EBF2: variants seen among roughly 807,000 people sequenced by gnomAD.
The protein encoded by EBF2 is transcription factor COE2.
Under a neutral mutation model 72.8 loss-of-function variants are expected in EBF2, and 21 were observed. The observed-to-expected ratio is 0.29, with a 90% CI of 0.20 to 0.42. The LOEUF (loss-of-function observed/expected upper bound fraction) is 0.42, where lower values mean the gene tolerates loss of function less well. Ranked by LOEUF, EBF2 falls within the 10% of genes least tolerant of loss-of-function variation. The probability of loss-of-function intolerance (pLI) is 1.00; values close to 1 mark genes in which losing one functional copy is unlikely to be tolerated. For synonymous variants in EBF2, 299 were observed against 274.2 expected (o/e 1.09, Z -0.89); for missense variants, 637 against 731.2 (o/e 0.87, Z 1.49).
At chr8:25,907,642 C>T (rs773375961) in intron 7 of EBF2, among the ~76,000 whole-genome samples, 1 of 151,894 alleles carries the variant, frequency 6.6e-6, no homozygotes, top group African/African-American at 2.4e-5. Context: ...TTGTCTCAGG[C>T]GAAACATGAG....
intron 6 of EBF2, among the ~76,000 whole-genome samples, chr8:25,951,267 A>C (rs1018087676): frequency 2.6e-5 from 4 of 152,174 alleles, no homozygotes; most frequent in Non-Finnish European, 4.4e-5. Context: ...AGTGCCAGCA[A>C]CTAGAATCTT....
intron 6 of EBF2, among the ~76,000 whole-genome samples, chr8:25,977,773 C>T (rs754231085): frequency 6.6e-6 from 1 of 152,076 alleles, no homozygotes; most frequent in African/African-American, 2.4e-5. Flanking sequence ...TTCTATGACA[C>T]GTGTCAAAGA....
chr8:25,901,289 G>A (rs1314732242), intron 7 of EBF2, among the ~76,000 whole-genome samples: 1 of 151,936 alleles, frequency 6.6e-6, no homozygotes, highest in African/African-American at 2.4e-5. Flanking sequence ...AGGCCTGATG[G>A]CACACACCCG....
chr8:25,994,491 G>A (rs1240618846), intron 6 of EBF2, among the ~76,000 whole-genome samples: 1 of 152,158 alleles, frequency 6.6e-6, no homozygotes, highest in African/African-American at 2.4e-5. Flanking sequence ...GGACATGTAT[G>A]TTCACCGCAA....
chr8:26,043,229 G>T (rs780897425), intron 1 of EBF2, among the ~76,000 whole-genome samples: 5 of 152,248 alleles, frequency 3.3e-5, no homozygotes, highest in Admixed American at 6.5e-5. Flanking sequence ...AAGACTTGGG[G>T]CTGAGGTGAA....
At chr8:25,947,233 G>A (rs773584149) in intron 6 of EBF2, among the ~76,000 whole-genome samples, 4 of 152,100 alleles carry the variant, frequency 2.6e-5, no homozygotes, top group Non-Finnish European at 5.9e-5. Context: ...CATGATGTTC[G>A]CATGATAGTG....
intron 5 of EBF2, among the ~76,000 whole-genome samples, chr8:26,038,734 C>G (rs1805547963): frequency 6.6e-6 from 1 of 152,226 alleles, no homozygotes; most frequent in African/African-American, 2.4e-5. Context: ...GCCTTCCCCC[C>G]AGCTACTCCA....
chr8:25,948,418 C>T (rs1353143355), intron 6 of EBF2, among the ~76,000 whole-genome samples: 1 of 152,192 alleles, frequency 6.6e-6, no homozygotes, highest in African/African-American at 2.4e-5. Context: ...AGCAGAATAG[C>T]TCCTTGCTTC....
chr8:25,946,781 T>C (rs1803775424), intron 6 of EBF2, among the ~76,000 whole-genome samples: 1 of 152,250 alleles, frequency 6.6e-6, no homozygotes, highest in Non-Finnish European at 1.5e-5. Flanking sequence ...ACTGTCTTTG[T>C]TCAGGCCTCC....
In EBF2 at chr8:25,886,889, A is replaced by G. The variant is rs1563388995; in HGVS notation, c.883-8T>C. 1.9e-6 allele frequency: 3 copies of G among 1,610,686 alleles called. No individual in the cohort carries two copies. Among genetic ancestry groups the G allele is most frequent in the East Asian group, 2.2e-5 (1 of 44,856 alleles). ...GGCATGAGGGGTTATTAGCTGAGGAATGAACAGGCAGGGAAATAAAATACC... is the reference window on the plus strand; with the variant it reads ...GGCATGAGGGGTTATTAGCTGAGGAGTGAACAGGCAGGGAAATAAAATACC... On this transcript the variant is annotated splice_region_variant and splice_polypyrimidine_tract_variant and intron_variant, in intron 9 of 15. Transcript: ENST00000520164.
chr8:25,887,231 C>T (rs1278022523), intron 9 of EBF2, among the ~76,000 whole-genome samples: 1 of 152,058 alleles, frequency 6.6e-6, no homozygotes, highest in Non-Finnish European at 1.5e-5. Flanking sequence ...CCAAGTCCCT[C>T]CCACCTCCTG....
At chr8:26,041,043 C>T (rs1483753912) in intron 2 of EBF2, 41 bp from the exon 3 acceptor site, 2 of 1,609,950 alleles carry the variant, frequency 1.2e-6, no homozygotes, top group South Asian at 1.1e-5. Context: ...GCCTTTCAGC[C>T]CCCCAAAATG....
At chr8:25,874,626 T>TTTTATTTTTTATTTA (rs1468246519) in intron 10 of EBF2, among the ~76,000 whole-genome samples, 3 of 152,060 alleles carry the variant, frequency 2.0e-5, no homozygotes, top group Non-Finnish European at 4.4e-5. Context: ...TTGGTCCACC[T>TTTTATTTTTTATTTA]TTTATTTTTT....
In EBF2 at chr8:25,994,496, C is replaced by A. The variant is rs192060680; in HGVS notation, c.551+38589G>T. 2.0e-5 allele frequency among the ~76,000 whole-genome samples: 3 copies of A among 152,264 alleles called. No homozygotes were observed. In the East Asian group the frequency reaches 5.8e-4, roughly 29 times the overall value. ...AAAGACACTTGGACATGTATGTTCA[C>A]CGCAACACTATTCACAATAGCAAAG... On this transcript the variant is annotated intron_variant, in intron 6 of 15. Transcript: ENST00000520164.
Position 25,999,305 on chromosome 8 carries a change from G to A in EBF2, c.551+33780C>T, listed in dbSNP as rs144160640. Among the ~76,000 whole-genome samples the A allele has an allele frequency of 1.0e-3, 153 of 152,100 alleles. 1 individual carries two copies. Among genetic ancestry groups the A allele is most frequent in the African/African-American group, 3.5e-3 (145 of 41,494 alleles). On this transcript the variant is annotated intron_variant, in intron 6 of 15. Transcript: ENST00000520164. ...ACACACATTCATGATGATTTGGTTC[G>A]CATTCTGTGGATTTGGGGGCCAATG...
chr8:26,020,221 T>C (rs777642637), intron 6 of EBF2, among the ~76,000 whole-genome samples: 20 of 152,170 alleles, frequency 1.3e-4, no homozygotes, highest in Non-Finnish European at 2.8e-4. Context: ...TGACCAAATA[T>C]TAAACACAGT....
At chr8:25,956,933 C>T (rs945402159) in intron 6 of EBF2, among the ~76,000 whole-genome samples, 42 of 152,186 alleles carry the variant, frequency 2.8e-4, no homozygotes, top group East Asian at 1.9e-4. Context: ...AAGGAAACAC[C>T]GCTCATCTAG....
chr8:25,991,496 T>C (rs1804544719), intron 6 of EBF2, among the ~76,000 whole-genome samples: 1 of 152,138 alleles, frequency 6.6e-6, no homozygotes, highest in African/African-American at 2.4e-5. Flanking sequence ...ATTTTACTCA[T>C]GCATTCTGAA....
At chr8:25,862,549 A>G (rs2117263790) in intron 11 of EBF2, among the ~76,000 whole-genome samples, 160 bp downstream of exon 11, 1 of 152,332 alleles carries the variant, frequency 6.6e-6, no homozygotes, top group Admixed American at 6.5e-5. Context: ...TAAGACCATA[A>G]TATATTTCAT....
Sources: allele counts gnomAD v4.1 joint callset (sites outside exome capture counted in the v4.1 genomes callset), GRCh38; gene constraint gnomAD v4.1.1; transcripts MANE v1.5; gene names NCBI Gene and HGNC (gene_info 2026-07-23, HGNC 2026-07-21).